Variants in PIP5K1B observed in about 807,000 individuals in gnomAD.
PIP5K1B encodes the protein phosphatidylinositol-4-phosphate 5-kinase type 1 beta, also known as phosphatidylinositol 4-phosphate 5-kinase type-1 beta.
In PIP5K1B, 42 loss-of-function variants were observed where a neutral mutation model predicts 67.0. The observed-to-expected ratio is 0.63, with a 90% CI of 0.49 to 0.81. The LOEUF is 0.81. Among genes scored for constraint, PIP5K1B ranks in the 30% least tolerant of loss-of-function variants. The probability of loss-of-function intolerance (pLI) is 0.00; values close to 1 mark genes in which losing one functional copy is unlikely to be tolerated. For synonymous variants in PIP5K1B, 214 were observed against 231.4 expected (o/e 0.92, Z 0.68); for missense variants, 459 against 646.3 (o/e 0.71, Z 3.14).
At chr9:68,722,505 G>A (rs140144970) in intron 1 of PIP5K1B, among the ~76,000 whole-genome samples, 1,582 of 151,998 alleles carry the variant, frequency 0.01, 30 homozygotes, top group African/African-American at 0.035. Flanking sequence ...GTGAGCCACC[G>A]CACCCGGCCC....
chr9:68,951,387 A>G (rs1405958085), intron 14 of PIP5K1B, among the ~76,000 whole-genome samples: 1 of 152,216 alleles, frequency 6.6e-6, no homozygotes, highest in Non-Finnish European at 1.5e-5. Context: ...GGTTCAGACT[A>G]AGCACTTTGT....
chr9:68,945,983 T>A (rs530530002), intron 14 of PIP5K1B, among the ~76,000 whole-genome samples: 54 of 152,354 alleles, frequency 3.5e-4, no homozygotes, highest in South Asian at 2.3e-3. Flanking sequence ...TAACATTAAT[T>A]TAAATTTATA....
At chr9:68,787,181 T>C (rs1044126935) in intron 2 of PIP5K1B, among the ~76,000 whole-genome samples, 4 of 152,080 alleles carry the variant, frequency 2.6e-5, no homozygotes, top group South Asian at 2.1e-4. Flanking sequence ...GTGAGTAGAA[T>C]TGAGTTGGGT....
At chr9:69,008,407 C>A (rs1279562147) in intron 15 of PIP5K1B, 40 bp from the exon 16 acceptor site, 2 of 1,609,854 alleles carry the variant, frequency 1.2e-6, no homozygotes, top group South Asian at 2.2e-5. Flanking sequence ...CAAATTGATG[C>A]CAAAATCTAG....
intron 7 of PIP5K1B, among the ~76,000 whole-genome samples, chr9:68,890,561 A>G (rs1368442783): frequency 6.6e-6 from 1 of 152,160 alleles, no homozygotes; most frequent in Non-Finnish European, 1.5e-5. Context: ...AGCATTAAAT[A>G]CTTAAATTAA....
At chr9:68,916,122 G>A (rs1429926623) in intron 8 of PIP5K1B, among the ~76,000 whole-genome samples, 3 of 152,134 alleles carry the variant, frequency 2.0e-5, no homozygotes, top group East Asian at 1.9e-4. Flanking sequence ...TAAAGTATAG[G>A]AACAGCTTCT....
At chr9:68,948,645 C>CAG (rs1554744631) in intron 14 of PIP5K1B, among the ~76,000 whole-genome samples, 5 of 144,246 alleles carry the variant, frequency 3.5e-5, no homozygotes, top group East Asian at 2.0e-4. Context: ...GACCTTGCCT[C>CAG]AAAAAAAAAA....
intron 14 of PIP5K1B, among the ~76,000 whole-genome samples, chr9:68,990,727 G>C (rs907176426): frequency 6.6e-6 from 1 of 151,338 alleles, no homozygotes. Flanking sequence ...GCAGTGGTGC[G>C]ATCTCAGCTC....
chr9:68,827,862 T>C (rs1366749901), intron 4 of PIP5K1B, among the ~76,000 whole-genome samples: 1 of 152,206 alleles, frequency 6.6e-6, no homozygotes, highest in East Asian at 1.9e-4. Flanking sequence ...GGCACGAGTT[T>C]ACTTGAAAGA....
At chr9:68,815,768 C>G (rs1361847892) in intron 2 of PIP5K1B, among the ~76,000 whole-genome samples, 2 of 151,820 alleles carry the variant, frequency 1.3e-5, no homozygotes, top group African/African-American at 4.8e-5. Context: ...TGAAAATATG[C>G]TTTTAAGAAG....
intron 15 of PIP5K1B, among the ~76,000 whole-genome samples, chr9:69,001,168 A>G (rs1830810446): frequency 6.6e-6 from 1 of 151,366 alleles, no homozygotes; most frequent in Non-Finnish European, 1.5e-5. Context: ...CGGCCTCCCC[A>G]AGTGCCAGGA....
intron 4 of PIP5K1B, among the ~76,000 whole-genome samples, chr9:68,861,875 G>A (rs1823093601): frequency 6.6e-6 from 1 of 150,870 alleles, no homozygotes; most frequent in South Asian, 2.1e-4. Flanking sequence ...TAAAATAGCA[G>A]GGGGTTTTTT....
At chr9:68,871,907 G>T (rs1391450368) in intron 5 of PIP5K1B, among the ~76,000 whole-genome samples, 1 of 148,082 alleles carries the variant, frequency 6.8e-6, no homozygotes, top group Non-Finnish European at 1.5e-5. Context: ...GTTGTCGGGT[G>T]TTTTTTTTTT....
intron 12 of PIP5K1B, among the ~76,000 whole-genome samples, chr9:68,933,247 C>T (rs2132597884): frequency 6.6e-6 from 1 of 151,656 alleles, no homozygotes; most frequent in South Asian, 2.1e-4. Context: ...ATGTAACAAA[C>T]CTGCATGTTC....
At chr9:68,808,589 T>A (rs1204870158) in intron 2 of PIP5K1B, among the ~76,000 whole-genome samples, 1 of 152,270 alleles carries the variant, frequency 6.6e-6, no homozygotes, top group Non-Finnish European at 1.5e-5. Context: ...TTCTTCTGTC[T>A]AATGTTTGCA....
chr9:68,845,276 A>ATG (rs149993720), intron 4 of PIP5K1B, among the ~76,000 whole-genome samples: 2,147 of 152,320 alleles, frequency 0.014, 47 homozygotes, highest in African/African-American at 0.049. Flanking sequence ...GGTGGGGCTT[A>ATG]TGAAATCAGG....
intron 4 of PIP5K1B, among the ~76,000 whole-genome samples, chr9:68,860,649 GCAGT>G (rs1425733857): frequency 1.3e-5 from 2 of 152,156 alleles, no homozygotes. Flanking sequence ...CCTGAATTTG[GCAGT>G]CAGACTCCAC....
chr9:68,730,338 C>G (rs1390704504), intron 1 of PIP5K1B, among the ~76,000 whole-genome samples: 2 of 152,082 alleles, frequency 1.3e-5, no homozygotes, highest in Non-Finnish European at 2.9e-5. Flanking sequence ...GCACCTGATA[C>G]GAACAGCCAG....
intron 2 of PIP5K1B, among the ~76,000 whole-genome samples, chr9:68,792,566 G>A (rs11143734): frequency 0.015 from 2,275 of 152,082 alleles, 54 homozygotes; most frequent in East Asian, 0.11. Flanking sequence ...TGCAAGCTCC[G>A]CCTTCCAGGT....
Sources: allele counts gnomAD v4.1 joint callset (sites outside exome capture counted in the v4.1 genomes callset), GRCh38; gene constraint gnomAD v4.1.1; transcripts MANE v1.5; gene names NCBI Gene and HGNC (gene_info 2026-07-23, HGNC 2026-07-21).